Variants in DCAF6 observed in about 807,000 individuals in gnomAD.
DCAF6 encodes the protein DDB1 and CUL4 associated factor 6.
In DCAF6, 54 loss-of-function variants were observed where a neutral mutation model predicts 125.1. That is an observed-to-expected ratio of 0.43 (90% confidence interval 0.35 to 0.54). The LOEUF (loss-of-function observed/expected upper bound fraction) is 0.54, where lower values mean the gene tolerates loss of function less well. DCAF6 is among the 20% of genes least tolerant of loss of function. The pLI is 0.01. For synonymous variants in DCAF6, 371 were observed against 390.4 expected (o/e 0.95, Z 0.58); for missense variants, 934 against 1,161.7 (o/e 0.80, Z 2.85).
At chr1:168,054,583 C>G (rs1409820028) in intron 17 of DCAF6, among the ~76,000 whole-genome samples, 1 of 152,142 alleles carries the variant, frequency 6.6e-6, no homozygotes, top group African/African-American at 2.4e-5. Flanking sequence ...TTTTAAAGCA[C>G]TTAAAATGTT....
chr1:168,072,211 C>T (rs1257722007), intron 21 of DCAF6, among the ~76,000 whole-genome samples: 1 of 136,862 alleles, frequency 7.3e-6, no homozygotes, highest in Admixed American at 8.5e-5. Flanking sequence ...GCAGGAGAAT[C>T]GCCTGAACCC....
intron 17 of DCAF6, among the ~76,000 whole-genome samples, chr1:168,057,252 T>G (rs1226002627): frequency 6.6e-6 from 1 of 152,212 alleles, no homozygotes; most frequent in African/African-American, 2.4e-5. Flanking sequence ...TTTAGTGCTA[T>G]TTAATGAATT....
the DCAF6 span, chr1:167,883,366 C>T: frequency 2.0e-6 from 3 of 1,538,390 alleles, no homozygotes; most frequent in South Asian, 1.1e-5. Flanking sequence ...TGTCTATTCT[C>T]ACCAATGTGC....
At chr1:168,022,943 T>G in intron 11 of DCAF6, 45 bp from the exon 12 acceptor site, 1 of 1,572,074 alleles carries the variant, frequency 6.4e-7, no homozygotes, top group East Asian at 2.2e-5. Flanking sequence ...TGCTGTGCAG[T>G]TTTCTGCTGC....
chr1:167,977,410 A>G (rs1001910818), intron 4 of DCAF6, among the ~76,000 whole-genome samples: 15 of 151,784 alleles, frequency 9.9e-5, no homozygotes, highest in Admixed American at 2.6e-4. Context: ...ATGGTATTCC[A>G]TTATATTCTG....
At chr1:168,072,310 A>G (rs1399509284) in intron 21 of DCAF6, among the ~76,000 whole-genome samples, 3 of 147,374 alleles carry the variant, frequency 2.0e-5, no homozygotes, top group East Asian at 2.2e-4. Flanking sequence ...AAAAAAAAAA[A>G]AAAAAAAAAA....
intron 17 of DCAF6, among the ~76,000 whole-genome samples, chr1:168,058,212 C>T (rs1012289842): frequency 2.0e-5 from 3 of 152,118 alleles, no homozygotes; most frequent in African/African-American, 7.2e-5. Flanking sequence ...ACAGTTTATC[C>T]ATTTTCCTGT....
chr1:168,006,551 C>CGTTG (rs1357988927), intron 10 of DCAF6, among the ~76,000 whole-genome samples: 1 of 152,086 alleles, frequency 6.6e-6, no homozygotes, highest in Non-Finnish European at 1.5e-5. Flanking sequence ...TGGAGTTCAA[C>CGTTG]GTTTCAGGAG....
chr1:167,907,429 A>C, the DCAF6 span, among the ~76,000 whole-genome samples: 2 of 152,114 alleles, frequency 1.3e-5, no homozygotes, highest in African/African-American at 2.4e-5. Context: ...TTTTGCCTTC[A>C]CTTTGGGACC....
the DCAF6 span, among the ~76,000 whole-genome samples, chr1:167,866,285 C>T: frequency 6.6e-6 from 1 of 152,166 alleles, no homozygotes; most frequent in South Asian, 2.1e-4. Flanking sequence ...GGTCTTTCGA[C>T]TCTCACGTCC....
intron 7 of DCAF6, among the ~76,000 whole-genome samples, chr1:167,998,119 T>C (rs1682025903): frequency 6.6e-6 from 1 of 152,202 alleles, no homozygotes; most frequent in African/African-American, 2.4e-5. Flanking sequence ...GGTTTGGTTC[T>C]AGACCATTGC....
intron 7 of DCAF6, among the ~76,000 whole-genome samples, chr1:168,001,618 A>G (rs949604929): frequency 7.2e-5 from 11 of 151,814 alleles, no homozygotes; most frequent in Non-Finnish European, 1.3e-4. Context: ...TGTAAAACTG[A>G]GATTTTATGA....
upstream of DCAF6, among the ~76,000 whole-genome samples, chr1:167,935,532 T>C (rs903822924): frequency 6.6e-6 from 1 of 152,154 alleles, no homozygotes; most frequent in African/African-American, 2.4e-5. Context: ...GGGAGCTGAC[T>C]TGAGATACGT....
At chr1:167,919,681 T>C in the DCAF6 span, among the ~76,000 whole-genome samples, 1 of 152,148 alleles carries the variant, frequency 6.6e-6, no homozygotes, top group African/African-American at 2.4e-5. Flanking sequence ...TGTGAGATGG[T>C]TAACCATCTA....
intron 21 of DCAF6, among the ~76,000 whole-genome samples, chr1:168,074,558 C>T (rs1448929675): frequency 6.6e-6 from 1 of 152,072 alleles, no homozygotes; most frequent in Middle Eastern, 3.2e-3. Flanking sequence ...TCCTGCCCTC[C>T]AGGAACTCTC....
chr1:168,064,774 A>G (rs1214981614), intron 18 of DCAF6, among the ~76,000 whole-genome samples: 2 of 152,172 alleles, frequency 1.3e-5, no homozygotes, highest in African/African-American at 2.4e-5. Flanking sequence ...AAAAATGGCA[A>G]AGTAGCAGCT....
chr1:167,870,806 TA>T, the DCAF6 span, among the ~76,000 whole-genome samples: 626 of 128,944 alleles, frequency 4.9e-3, no homozygotes, highest in Admixed American at 4.9e-3. Context: ...AAACTCCATC[TA>T]AAAAAAAAAA....
At chr1:168,071,343 C>G (rs1692990355) in intron 21 of DCAF6, among the ~76,000 whole-genome samples, 1 of 152,194 alleles carries the variant, frequency 6.6e-6, no homozygotes, top group Non-Finnish European at 1.5e-5. Flanking sequence ...GTGGCTCACG[C>G]CTGTAATCTC....
intron 1 of DCAF6, among the ~76,000 whole-genome samples, chr1:167,939,903 T>C (rs1469747842): frequency 6.6e-6 from 1 of 152,246 alleles, no homozygotes; most frequent in Non-Finnish European, 1.5e-5. Flanking sequence ...CGATTGTCTA[T>C]CTACAGGGTT....
Sources: allele counts gnomAD v4.1 joint callset (sites outside exome capture counted in the v4.1 genomes callset), GRCh38; gene constraint gnomAD v4.1.1; transcripts MANE v1.5; gene names NCBI Gene and HGNC (gene_info 2026-07-23, HGNC 2026-07-21).